MACROD2: variants seen among roughly 807,000 people sequenced by gnomAD.
The protein encoded by MACROD2 is mono-ADP ribosylhydrolase 2.
Under a neutral mutation model 70.4 loss-of-function variants are expected in MACROD2, and 36 were observed. The ratio of observed to expected loss-of-function variants is 0.51; its 90% CI spans 0.39 to 0.68. The LOEUF (loss-of-function observed/expected upper bound fraction) is 0.68. MACROD2 is among the 30% of genes least tolerant of loss of function. The probability of loss-of-function intolerance (pLI) is 0.00; values close to 1 mark genes in which losing one functional copy is unlikely to be tolerated. For synonymous variants in MACROD2, 172 were observed against 178.8 expected (o/e 0.96, Z 0.30); for missense variants, 496 against 538.4 (o/e 0.92, Z 0.78).
Position 14,992,197 on chromosome 20 carries a change from C to A in MACROD2, c.419-237743C>A, listed in dbSNP as rs529851222. Reference sequence around the variant, plus strand: ...AAGGATCACTTTTCCAAAGTGAAGTCTTTTCTTAAAAATAGAAATTTCTCA... The same window carrying A: ...AAGGATCACTTTTCCAAAGTGAAGTATTTTCTTAAAAATAGAAATTTCTCA... On this transcript the variant is annotated intron_variant, in intron 5 of 17. Coordinates refer to ENST00000684519, the MANE Select transcript of MACROD2 (RefSeq NM_001351661.2). Among the ~76,000 whole-genome samples, 8 of 152,202 alleles carry A rather than the reference C, an allele frequency of 5.3e-5. No individual in the cohort carries two copies. The East Asian group carries it at 1.2e-3, about 22-fold the overall frequency.
At chr20:15,355,282 C>T (rs2078273867) in intron 6 of MACROD2, among the ~76,000 whole-genome samples, 1 of 152,194 alleles carries the variant, frequency 6.6e-6, no homozygotes, top group Admixed American at 6.5e-5. Context: ...TATCGAGGTT[C>T]CCACAACCCC....
chr20:14,035,875 G>C (rs973211791), intron 2 of MACROD2, among the ~76,000 whole-genome samples: 2 of 152,256 alleles, frequency 1.3e-5, no homozygotes, highest in Non-Finnish European at 2.9e-5. Context: ...GGGCGCGGTG[G>C]CTGACGCCTG....
chr20:15,550,802 C>A (rs1307384719), intron 8 of MACROD2, among the ~76,000 whole-genome samples: 1 of 152,154 alleles, frequency 6.6e-6, no homozygotes, highest in Non-Finnish European at 1.5e-5. Flanking sequence ...TTCCTCTCAA[C>A]AACCCCAGCA....
chr20:15,243,866 C>T (rs1200270930), intron 6 of MACROD2, among the ~76,000 whole-genome samples: 1 of 151,652 alleles, frequency 6.6e-6, no homozygotes, highest in East Asian at 1.9e-4. Flanking sequence ...ATGGAGCTTG[C>T]AGTGAGCCAA....
chr20:15,378,991 G>T (rs1203183621), intron 6 of MACROD2, among the ~76,000 whole-genome samples: 2 of 152,144 alleles, frequency 1.3e-5, no homozygotes, highest in East Asian at 3.9e-4. Context: ...GTGAAGGAAT[G>T]CCTGGAAGTC....
chr20:14,061,710 ATC>A (rs2053692848), intron 2 of MACROD2, among the ~76,000 whole-genome samples: 1 of 152,186 alleles, frequency 6.6e-6, no homozygotes, highest in Admixed American at 6.5e-5. Flanking sequence ...CATTACCAGC[ATC>A]TTAAGCATAG....
chr20:15,113,651 C>A (rs1568580555), intron 5 of MACROD2, among the ~76,000 whole-genome samples: 1 of 152,120 alleles, frequency 6.6e-6, no homozygotes, highest in Non-Finnish European at 1.5e-5. Context: ...GCCTCCAACA[C>A]AAAGTGTCAT....
chr20:14,513,525 G>A (rs192306056), intron 4 of MACROD2, among the ~76,000 whole-genome samples: 2 of 152,122 alleles, frequency 1.3e-5, no homozygotes, highest in Non-Finnish European at 2.9e-5. Flanking sequence ...TTTACACACT[G>A]ATGAAAAAAT....
At chr20:14,455,021 C>T (rs1715363177) in intron 3 of MACROD2, among the ~76,000 whole-genome samples, 1 of 150,852 alleles carries the variant, frequency 6.6e-6, no homozygotes. Flanking sequence ...CAATCTGTCT[C>T]TACACTCTTT....
At position 15,451,417 on chromosome 20, in the gene MACROD2, T is replaced by TAAAAA. The variant is rs35308671; in HGVS notation, c.571+20004_571+20008dup. Reference sequence around the variant, plus strand: ...AGCAAATCTCCTGAAGGGTGGTAAATAAAAAAAAAAAAAAAAAAAAAAAAA... The same window carrying TAAAAA: ...AGCAAATCTCCTGAAGGGTGGTAAATAAAAAAAAAAAAAAAAAAAAAAAAAAAAAA... On this transcript the variant is annotated intron_variant, in intron 7 of 17. Coordinates refer to ENST00000684519, the MANE Select transcript of MACROD2 (RefSeq NM_001351661.2). 9.2e-4 allele frequency among the ~76,000 whole-genome samples: 77 copies of TAAAAA among 83,380 alleles called. 6 individuals are homozygous for TAAAAA. Among genetic ancestry groups the TAAAAA allele is most frequent in the African/African-American group, 1.0e-3 (23 of 22,408 alleles). 54.7% of individuals were successfully genotyped at this position (83,380 alleles called of 152,430 possible). A position where few individuals can be genotyped will look rare whatever the true frequency, so the allele number is the denominator to read the frequency against.
At chr20:14,557,331 A>T (rs2123280675) in intron 4 of MACROD2, among the ~76,000 whole-genome samples, 2 of 152,100 alleles carry the variant, frequency 1.3e-5, no homozygotes, top group Middle Eastern at 3.4e-3. Context: ...TAGATATGAT[A>T]CCAAAAGTAC....
chr20:15,006,280 A>C (rs1208692128), intron 5 of MACROD2, among the ~76,000 whole-genome samples: 1 of 151,990 alleles, frequency 6.6e-6, no homozygotes, highest in African/African-American at 2.4e-5. Context: ...CCATGACCTC[A>C]CTTTAATGTG....
At chr20:14,132,721 T>A (rs1259020124) in intron 3 of MACROD2, among the ~76,000 whole-genome samples, 2 of 151,900 alleles carry the variant, frequency 1.3e-5, no homozygotes, top group African/African-American at 4.8e-5. Context: ...CACTTCAGCC[T>A]TGAACCCCCC....
intron 6 of MACROD2, among the ~76,000 whole-genome samples, chr20:15,300,041 G>A (rs978766470): frequency 1.3e-4 from 20 of 152,238 alleles, no homozygotes; most frequent in Admixed American, 2.6e-4. Flanking sequence ...ACTTGACGTA[G>A]TCCATGATAC....
intron 5 of MACROD2, among the ~76,000 whole-genome samples, chr20:15,113,053 G>C (rs144342725): frequency 1.3e-5 from 2 of 150,204 alleles, no homozygotes; most frequent in African/African-American, 4.9e-5. Flanking sequence ...GTTCCTTCTG[G>C]CTATTGCCAG....
intron 6 of MACROD2, among the ~76,000 whole-genome samples, chr20:15,276,259 G>A (rs2077390393): frequency 6.6e-6 from 1 of 152,044 alleles, no homozygotes; most frequent in Non-Finnish European, 1.5e-5. Context: ...AATTAGCTGG[G>A]CATGGTGGCA....
intron 7 of MACROD2, among the ~76,000 whole-genome samples, chr20:15,475,685 C>T (rs2047013240): frequency 6.6e-6 from 1 of 152,232 alleles, no homozygotes; most frequent in Non-Finnish European, 1.5e-5. Flanking sequence ...CCCCATGCCC[C>T]GTTAGTGTCA....
At chr20:15,278,058 A>G (rs2077408918) in intron 6 of MACROD2, among the ~76,000 whole-genome samples, 1 of 152,238 alleles carries the variant, frequency 6.6e-6, no homozygotes, top group Admixed American at 6.5e-5. Context: ...TAGCAGAATA[A>G]AAAACCTCAG....
chr20:15,723,069 T>C (rs2050810619), intron 8 of MACROD2, among the ~76,000 whole-genome samples: 1 of 152,168 alleles, frequency 6.6e-6, no homozygotes, highest in Non-Finnish European at 1.5e-5. Context: ...GAGTTTTACA[T>C]GTTAATACAT....
Sources: gnomAD v4.1 joint callset for allele counts (sites outside exome capture counted in the v4.1 genomes callset) on GRCh38, gnomAD v4.1.1 for gene constraint, MANE v1.5 for transcripts, NCBI Gene and HGNC (gene_info 2026-07-23, HGNC 2026-07-21) for gene names.